Variants in INPP5D observed in about 807,000 individuals in gnomAD.
INPP5D encodes the protein inositol polyphosphate-5-phosphatase D.
INPP5D carries 33 observed loss-of-function variants against 122.9 expected under a neutral mutation model. The observed-to-expected ratio is 0.27, with a 90% confidence interval of 0.20 to 0.36. INPP5D has a LOEUF of 0.36. Ranked by LOEUF, INPP5D falls within the 10% of genes least tolerant of loss-of-function variation. The pLI, the probability that INPP5D is intolerant of heterozygous loss-of-function variation, is 1.00. For synonymous variants in INPP5D, 584 were observed against 576.2 expected, an observed-to-expected ratio of 1.01 and a Z score of -0.19; for missense variants, 1,053 against 1,412.7, an observed-to-expected ratio of 0.75 and a Z score of 4.08.
intron 2 of INPP5D, among the ~76,000 whole-genome samples, chr2:233,113,692 G>A (rs1286517103): frequency 3.3e-5 from 5 of 152,192 alleles, no homozygotes; most frequent in South Asian, 4.2e-4. Context: ...GCTGGCTCTC[G>A]CTTGTCGACC....
chr2:233,203,989 T>C (rs2106329930), intron 25 of INPP5D, 137 bp from the exon 26 acceptor site: 1 of 1,337,670 alleles, frequency 7.5e-7, no homozygotes, highest in East Asian at 2.9e-5. Flanking sequence ...ATTCAGTAAA[T>C]TTGCAATGTT....
intron 2 of INPP5D, among the ~76,000 whole-genome samples, chr2:233,092,515 A>G (rs1692019504): frequency 6.6e-6 from 1 of 152,170 alleles, no homozygotes; most frequent in Admixed American, 6.5e-5. Context: ...GAGCCTGTGC[A>G]ATGATGAATG....
intron 25 of INPP5D, among the ~76,000 whole-genome samples, 173 bp downstream of exon 25, chr2:233,198,549 T>C (rs888370850): frequency 6.6e-6 from 1 of 152,258 alleles, no homozygotes; most frequent in African/African-American, 2.4e-5. Context: ...TGTGGAGTCT[T>C]CCATGTCCTA....
intron 25 of INPP5D, among the ~76,000 whole-genome samples, chr2:233,202,187 A>G (rs2106328743): frequency 6.6e-6 from 1 of 152,162 alleles, no homozygotes; most frequent in Admixed American, 6.5e-5. Context: ...CCCCTGAGAG[A>G]GGGTGGTCAG....
intron 17 of INPP5D, among the ~76,000 whole-genome samples, chr2:233,175,439 A>T (rs916412255): frequency 6.6e-6 from 1 of 152,110 alleles, no homozygotes; most frequent in African/African-American, 2.4e-5. Flanking sequence ...ATCAATGGAG[A>T]TGTTAGTCAC....
At chr2:233,132,778 A>C (rs1693363664) in intron 5 of INPP5D, among the ~76,000 whole-genome samples, 1 of 152,038 alleles carries the variant, frequency 6.6e-6, no homozygotes, top group African/African-American at 2.4e-5. Flanking sequence ...GGGTGCTGGG[A>C]TGTAGCAACA....
chr2:233,075,132 C>T (rs918610218), intron 1 of INPP5D, among the ~76,000 whole-genome samples: 1 of 152,286 alleles, frequency 6.6e-6, no homozygotes. Flanking sequence ...CTGTCATCAC[C>T]CAGCACCTGT....
chr2:233,110,940 CAA>C (rs113753852), intron 2 of INPP5D, among the ~76,000 whole-genome samples: 2,456 of 134,480 alleles, frequency 0.018, 54 homozygotes, highest in African/African-American at 0.06. Flanking sequence ...AAAAAAACAA[CAA>C]AAAAAAAAAA....
intron 4 of INPP5D, among the ~76,000 whole-genome samples, chr2:233,126,307 C>A (rs972045710): frequency 6.6e-6 from 1 of 152,212 alleles, no homozygotes; most frequent in Non-Finnish European, 1.5e-5. Flanking sequence ...CCAAAGAAAT[C>A]CTAATGACAG....
At chr2:233,175,666 G>A (rs935348026) in intron 17 of INPP5D, among the ~76,000 whole-genome samples, 1 of 151,106 alleles carries the variant, frequency 6.6e-6, no homozygotes, top group African/African-American at 2.4e-5. Context: ...GAAGTAGAGA[G>A]AATGAAAATA....
rs564723997 is a variant in INPP5D at position 233,151,203 on chromosome 2, T to C, written c.1030+3609T>C. ...AAGAATGGGCTATGCATGGGTGCAG[T>C]GGTACGCACCTGTATTCTTAGCTAC... On this transcript the variant is annotated intron_variant, in intron 9 of 26. Transcript: ENST00000445964. Among the ~76,000 whole-genome samples, 129 of 152,224 alleles carry C rather than the reference T, an allele frequency of 8.5e-4. 1 individual carries two copies. Among genetic ancestry groups the C allele is most frequent in the East Asian group, 6.6e-3 (34 of 5,172 alleles).
chr2:233,132,251 T>A (rs925579337), intron 5 of INPP5D, among the ~76,000 whole-genome samples: 2 of 152,254 alleles, frequency 1.3e-5, no homozygotes, highest in Non-Finnish European at 2.9e-5. Flanking sequence ...CCCTGCTTCC[T>A]TGTGGAGAAA....
rs140345342 is a variant in INPP5D at position 233,158,257 on chromosome 2, G to A, written c.1031-56G>A. The A allele has an allele frequency of 1.4e-3, 972 of 672,648 alleles. 4 individuals carry two copies. Among genetic ancestry groups the A allele is most frequent in the African/African-American group, 0.014 (793 of 56,416 alleles). The allele number at this position is 672,648 out of a possible 1,614,324, so 41.7% of individuals were successfully genotyped here. A position where few individuals can be genotyped will look rare whatever the true frequency, so the allele number is the denominator to read the frequency against. On this transcript the variant is annotated intron_variant, in intron 9 of 26. Transcript: ENST00000445964. ...AGGTGCCTGGAACATAATGGAGACC[G>A]TCCATATTGGTTGAATGAGTGGATG...
At chr2:233,130,839 T>C (rs1693303669) in intron 5 of INPP5D, 191 bp downstream of exon 5, 8 of 740,800 alleles carry the variant, frequency 1.1e-5, no homozygotes, top group Non-Finnish European at 1.9e-5. Context: ...ATTTGAACAG[T>C]AGCTTGTGTG....
intron 25 of INPP5D, among the ~76,000 whole-genome samples, chr2:233,198,819 G>A (rs1400508630): frequency 2.0e-5 from 3 of 152,058 alleles, no homozygotes; most frequent in African/African-American, 7.2e-5. Flanking sequence ...GGGTGGTGGT[G>A]CATGCCTGTA....
intron 21 of INPP5D, among the ~76,000 whole-genome samples, chr2:233,187,061 G>A (rs1694940991): frequency 6.6e-6 from 1 of 151,976 alleles, no homozygotes; most frequent in African/African-American, 2.4e-5. Flanking sequence ...GCACATGCCT[G>A]GAGTCCTAGC....
chr2:233,149,348 G>A (rs963284491), intron 9 of INPP5D, among the ~76,000 whole-genome samples: 6 of 152,156 alleles, frequency 3.9e-5, no homozygotes, highest in South Asian at 2.1e-4. Context: ...TGATCCACCC[G>A]CCTTGGCTTC....
intron 2 of INPP5D, among the ~76,000 whole-genome samples, chr2:233,096,767 A>G (rs1308696104): frequency 6.6e-6 from 1 of 151,900 alleles, no homozygotes; most frequent in Non-Finnish European, 1.5e-5. Flanking sequence ...AATATTTCCG[A>G]TTTTAAAAAC....
intron 2 of INPP5D, among the ~76,000 whole-genome samples, chr2:233,104,263 G>T (rs1203046133): frequency 6.6e-6 from 1 of 152,080 alleles, no homozygotes; most frequent in East Asian, 1.9e-4. Flanking sequence ...TGCCTGCCTT[G>T]CCCCATTTCT....
Sources: allele counts gnomAD v4.1 joint callset (sites outside exome capture counted in the v4.1 genomes callset), GRCh38; gene constraint gnomAD v4.1.1; transcripts MANE v1.5; gene names NCBI Gene and HGNC (gene_info 2026-07-23, HGNC 2026-07-21).